The following ITPRID1 variants were observed in gnomAD, a reference collection of about 807,000 sequenced individuals.
ITPRID1 encodes the protein protein ITPRID1.
Under a neutral mutation model 95.4 loss-of-function variants are expected in ITPRID1, and 96 were observed. The ratio of observed to expected loss-of-function variants is 1.01; its 90% CI spans 0.85 to 1.19. The LOEUF (loss-of-function observed/expected upper bound fraction) is 1.19, where lower values mean the gene tolerates loss of function less well. Among genes scored for constraint, ITPRID1 ranks in the 50% most tolerant of loss-of-function variants. ITPRID1 has a pLI of 0.00. For synonymous variants in ITPRID1, 510 were observed against 453.6 expected (o/e 1.12, Z -1.58); for missense variants, 1,339 against 1,252.9 (o/e 1.07, Z -1.04).
intron 12 of ITPRID1, among the ~76,000 whole-genome samples, chr7:31,645,809 A>G (rs1368959282): frequency 1.3e-5 from 2 of 152,138 alleles, no homozygotes; most frequent in Non-Finnish European, 2.9e-5. Context: ...GAATGCTGCA[A>G]AACATCCTAA....
chr7:31,579,932 A>T (rs1475406376), intron 9 of ITPRID1, among the ~76,000 whole-genome samples: 2 of 152,196 alleles, frequency 1.3e-5, no homozygotes, highest in Non-Finnish European at 2.9e-5. Context: ...AAGGCGCTAA[A>T]AAAAGGATTT....
intron 1 of ITPRID1, among the ~76,000 whole-genome samples, chr7:31,536,469 G>T (rs2128131671): frequency 6.6e-6 from 1 of 152,010 alleles, no homozygotes; most frequent in East Asian, 1.9e-4. Context: ...CTCTGGGTCT[G>T]GTTGTATTTA....
intron 10 of ITPRID1, among the ~76,000 whole-genome samples, chr7:31,606,806 AT>A (rs1309042391): frequency 2.6e-5 from 4 of 152,008 alleles, no homozygotes; most frequent in African/African-American, 9.7e-5. Context: ...CTTTCTGGTT[AT>A]TTTCTTTTGT....
chr7:31,521,388 A>G (rs1231454981), intron 1 of ITPRID1, among the ~76,000 whole-genome samples: 2 of 152,076 alleles, frequency 1.3e-5, no homozygotes, highest in African/African-American at 4.8e-5. Flanking sequence ...ATATTTTTCA[A>G]TTATTGGTTT....
intron 5 of ITPRID1, among the ~76,000 whole-genome samples, chr7:31,556,699 G>A (rs967926264): frequency 5.3e-5 from 8 of 152,008 alleles, no homozygotes; most frequent in Non-Finnish European, 1.2e-4. Flanking sequence ...CCAAAGAGGA[G>A]GAAGAAAAGA....
At chr7:31,633,374 T>A (rs893583266) in intron 10 of ITPRID1, among the ~76,000 whole-genome samples, 1 of 152,176 alleles carries the variant, frequency 6.6e-6, no homozygotes, top group Non-Finnish European at 1.5e-5. Context: ...TCTGACCAGA[T>A]AGGAGTCATT....
intron 1 of ITPRID1, among the ~76,000 whole-genome samples, chr7:31,538,252 ACG>A (rs1050435173): frequency 3.5e-5 from 5 of 142,330 alleles, no homozygotes; most frequent in Non-Finnish European, 7.8e-5. Context: ...ACACACACAC[ACG>A]TGCGCATGCA....
At chr7:31,576,869 C>T (rs1276028737) in intron 8 of ITPRID1, among the ~76,000 whole-genome samples, 1 of 152,030 alleles carries the variant, frequency 6.6e-6, no homozygotes, top group African/African-American at 2.4e-5. Flanking sequence ...ACAAAATATT[C>T]CATTTTTGTT....
At chr7:31,647,354 T>C (rs1274626445) in intron 12 of ITPRID1, among the ~76,000 whole-genome samples, 5 of 152,028 alleles carry the variant, frequency 3.3e-5, no homozygotes, top group African/African-American at 1.2e-4. Context: ...TAAGCAGAGA[T>C]GGACATCTCT....
At chr7:31,519,620 C>CTCTCTCTCCATATATATATATATATA in intron 1 of ITPRID1, among the ~76,000 whole-genome samples, 2 of 25,270 alleles carry the variant, frequency 7.9e-5, no homozygotes, top group Non-Finnish European at 7.3e-5. Context: ...CTCTCTCTCT[C>CTCTCTCTCCATATATATATATATATA]TATATATATA....
At chr7:31,555,041 C>G in intron 5 of ITPRID1, 140 bp downstream of exon 5, 2 of 666,982 alleles carry the variant, frequency 3.0e-6, no homozygotes, top group Non-Finnish European at 5.2e-6. Flanking sequence ...CCAGCTCAAT[C>G]TCTTCATTTG....
chr7:31,658,489 G>GC, downstream of ITPRID1: 1 of 1,088,400 alleles, frequency 9.2e-7, no homozygotes, highest in Non-Finnish European at 1.2e-6. Context: ...TCAAAGTGGT[G>GC]CCCCTTTGAG....
chr7:31,652,833 A>T lies in ITPRID1; in HGVS notation c.*4A>T, dbSNP rs887810616. 3.1e-6 allele frequency: 5 copies of T among 1,606,456 alleles called. No individual in the cohort carries two copies. The highest frequency in any genetic ancestry group is 1.7e-5 in the Admixed American group (1 of 59,852). On this transcript the variant is annotated 3_prime_UTR_variant, in exon 15 of 15. Transcript: ENST00000615280. ...GGATGCAGATGTCTTCCTCTAGATC[A>T]GAGCAGGTTTGTTAACCTTCATACA...
intron 1 of ITPRID1, among the ~76,000 whole-genome samples, chr7:31,543,379 C>T (rs929162965): frequency 3.9e-5 from 6 of 151,964 alleles, no homozygotes; most frequent in Non-Finnish European, 5.9e-5. Flanking sequence ...TCCAGGAAAA[C>T]AAGATTTATG....
intron 7 of ITPRID1, 122 bp from the exon 8 acceptor site, chr7:31,574,418 G>A (rs905671746): frequency 9.7e-5 from 83 of 857,902 alleles, no homozygotes; most frequent in African/African-American, 6.7e-4. Flanking sequence ...TGCACGCACC[G>A]TTTGTCTATT....
At chr7:31,641,841 G>A (rs1790045403) in intron 10 of ITPRID1, among the ~76,000 whole-genome samples, 1 of 152,104 alleles carries the variant, frequency 6.6e-6, no homozygotes, top group South Asian at 2.1e-4. Context: ...TATTAGTGTG[G>A]CATTTAAGGC....
intron 10 of ITPRID1, among the ~76,000 whole-genome samples, chr7:31,601,837 C>T (rs572976012): frequency 7.2e-5 from 11 of 152,264 alleles, no homozygotes; most frequent in African/African-American, 2.4e-4. Flanking sequence ...AAGGGAACTG[C>T]TCACGGGCGA....
intron 1 of ITPRID1, among the ~76,000 whole-genome samples, chr7:31,520,564 T>A (rs12701108): frequency 0.14 from 7,489 of 54,128 alleles, 248 homozygotes; most frequent in Middle Eastern, 0.18. Flanking sequence ...TGTGTGTGTG[T>A]GAGAGAGAGA....
rs143151561 is a variant in ITPRID1 at position 31,651,950 on chromosome 7, A to G, written c.2723A>G (p.Glu908Gly). The G allele has an allele frequency of 1.5e-3, 2,466 of 1,596,006 alleles. 3 individuals carry two copies. Among genetic ancestry groups the G allele is most frequent in the Non-Finnish European group, 1.5e-3 (1,746 of 1,171,180 alleles). Residue 908 changes from glutamate (E) to glycine (G), a missense_variant, in exon 14 of 15, where the codon GAG becomes GGG. Transcript: ENST00000615280. ...DMSEEEREEA[E>G]QLQTLREALR... ...TTATTTACTTGCAGGGAGGAGGCCG[A>G]GCAACTGCAAACGTTACGTGAGGCC...
Sources: allele counts gnomAD v4.1 joint callset (sites outside exome capture counted in the v4.1 genomes callset), GRCh38; gene constraint gnomAD v4.1.1; transcripts MANE v1.5; gene names NCBI Gene and HGNC (gene_info 2026-07-23, HGNC 2026-07-21).